Variants in ANAPC10 observed in about 807,000 individuals in gnomAD.
ANAPC10 encodes the protein anaphase promoting complex subunit 10.
A neutral mutation model predicts 22.0 loss-of-function variants in ANAPC10; 12 were observed. That is an observed-to-expected ratio of 0.55 (90% CI 0.35 to 0.88). The LOEUF (loss-of-function observed/expected upper bound fraction) is 0.88, where lower values mean the gene tolerates loss of function less well. Ranked by LOEUF, ANAPC10 falls within the 40% of genes least tolerant of loss-of-function variation. The pLI is 0.01. For synonymous variants in ANAPC10, 65 were observed against 69.5 expected (o/e 0.94, Z 0.32); for missense variants, 188 against 220.9 (o/e 0.85, Z 0.94).
At chr4:144,995,699 T>A in intron 4 of ANAPC10, 96 bp from the exon 5 acceptor site, 1 of 849,896 alleles carries the variant, frequency 1.2e-6, no homozygotes, top group East Asian at 2.7e-5. Context: ...ATAATTAACA[T>A]TTTGCTCAAC....
At chr4:145,022,874 G>T (rs1195028321) in intron 4 of ANAPC10, among the ~76,000 whole-genome samples, 1 of 149,728 alleles carries the variant, frequency 6.7e-6, no homozygotes, top group Non-Finnish European at 1.5e-5. Context: ...ATTCTTTTAT[G>T]TATTTTTGTA....
rs943884520 is a variant in ANAPC10 at position 145,081,526 on chromosome 4, A to G, written c.206+134T>C. 43 of 551,592 alleles carry G rather than the reference A, an allele frequency of 7.8e-5. 1 individual carries two copies. The African/African-American group carries it at 7.9e-4, about 10-fold the overall frequency. The allele number at this position is 551,592 out of a possible 1,614,324, so 34.2% of individuals were successfully genotyped here. ...AATAATCTAACTGAACTGAAAAATA[A>G]TCTATAAGACTTCAGAGTTTAAAAA... On this transcript the variant is annotated intron_variant, in intron 3 of 4. Coordinates refer to ENST00000507656, the MANE Select transcript of ANAPC10 (RefSeq NM_001256706.2).
chr4:145,093,335 A>G (rs1382014239), intron 2 of ANAPC10, among the ~76,000 whole-genome samples: 1 of 152,198 alleles, frequency 6.6e-6, no homozygotes, highest in Non-Finnish European at 1.5e-5. Context: ...TTCCTAACTA[A>G]TGCAAATCCC....
At chr4:145,028,162 G>A (rs1319402097) in intron 4 of ANAPC10, among the ~76,000 whole-genome samples, 2 of 152,214 alleles carry the variant, frequency 1.3e-5, no homozygotes, top group East Asian at 3.8e-4. Context: ...GTGTGCCTGT[G>A]TGTGTGTTGC....
chr4:144,997,282 C>A (rs943938467), intron 4 of ANAPC10, among the ~76,000 whole-genome samples: 30 of 152,190 alleles, frequency 2.0e-4, no homozygotes, highest in African/African-American at 7.0e-4. Flanking sequence ...AAGATACATA[C>A]TTGTCAGATT....
chr4:145,000,571 G>A (rs1157021819), intron 4 of ANAPC10, among the ~76,000 whole-genome samples: 1 of 152,206 alleles, frequency 6.6e-6, no homozygotes, highest in Non-Finnish European at 1.5e-5. Context: ...AGGATGTGGA[G>A]AAATAGGAAC....
chr4:145,012,298 T>C (rs1435984157), intron 4 of ANAPC10, among the ~76,000 whole-genome samples: 7 of 151,528 alleles, frequency 4.6e-5, no homozygotes, highest in East Asian at 3.9e-4. Flanking sequence ...ATTGAAAATA[T>C]TGTCACTTGA....
chr4:145,072,262 G>C (rs563517852), intron 3 of ANAPC10, among the ~76,000 whole-genome samples: 2 of 152,308 alleles, frequency 1.3e-5, no homozygotes, highest in Non-Finnish European at 2.9e-5. Context: ...AGCAGAGAAA[G>C]AGCTTGTTCT....
intron 4 of ANAPC10, among the ~76,000 whole-genome samples, chr4:145,015,091 C>A (rs1194867917): frequency 6.6e-6 from 1 of 151,956 alleles, no homozygotes; most frequent in Non-Finnish European, 1.5e-5. Context: ...AAAAAGAAAT[C>A]CCTGACTTAC....
At chr4:145,027,637 G>A (rs1056113472) in intron 4 of ANAPC10, among the ~76,000 whole-genome samples, 1 of 152,172 alleles carries the variant, frequency 6.6e-6, no homozygotes, top group Non-Finnish European at 1.5e-5. Flanking sequence ...TAGATCACAT[G>A]CAAAGCATCA....
chr4:145,069,468 T>C (rs1744179067), intron 3 of ANAPC10, among the ~76,000 whole-genome samples: 2 of 152,148 alleles, frequency 1.3e-5, no homozygotes, highest in Non-Finnish European at 2.9e-5. Flanking sequence ...GAAAGAACAA[T>C]TACTGGAAAG....
At chr4:145,000,070 T>C (rs1287268232) in intron 4 of ANAPC10, among the ~76,000 whole-genome samples, 2 of 152,172 alleles carry the variant, frequency 1.3e-5, no homozygotes, top group Admixed American at 1.3e-4. Context: ...GATTAAAGAC[T>C]TAAATGTTAG....
intron 2 of ANAPC10, among the ~76,000 whole-genome samples, chr4:145,083,425 T>C (rs1032680933): frequency 1.3e-5 from 2 of 152,192 alleles, no homozygotes; most frequent in African/African-American, 4.8e-5. Context: ...TTTAAATATA[T>C]GTTATTTCTA....
At chr4:145,057,496 T>C (rs1479213506) in intron 4 of ANAPC10, among the ~76,000 whole-genome samples, 2 of 152,144 alleles carry the variant, frequency 1.3e-5, no homozygotes, top group African/African-American at 4.8e-5. Context: ...CTCTCGAATA[T>C]TGGCATCTTC....
At chr4:145,069,710 T>C (rs981811925) in intron 3 of ANAPC10, among the ~76,000 whole-genome samples, 1 of 152,294 alleles carries the variant, frequency 6.6e-6, no homozygotes, top group Non-Finnish European at 1.5e-5. Context: ...GTCAGAACTA[T>C]TTTCTTAATA....
At chr4:145,018,540 A>T (rs1269650726) in intron 4 of ANAPC10, among the ~76,000 whole-genome samples, 2 of 152,092 alleles carry the variant, frequency 1.3e-5, no homozygotes, top group East Asian at 3.9e-4. Context: ...TAGGAGGCTG[A>T]GGCAGGAGAA....
intron 4 of ANAPC10, among the ~76,000 whole-genome samples, chr4:145,026,955 G>GTATATATA (rs1560840398): frequency 5.9e-4 from 10 of 17,044 alleles, no homozygotes; most frequent in African/African-American, 2.3e-3. Context: ...ATGTGTGTGT[G>GTATATATA]TGTATATATA....
intron 4 of ANAPC10, among the ~76,000 whole-genome samples, chr4:145,006,809 C>T (rs1408249295): frequency 6.6e-6 from 1 of 151,950 alleles, no homozygotes; most frequent in Non-Finnish European, 1.5e-5. Context: ...GTTTTGTTGC[C>T]TCTGTGATTC....
intron 4 of ANAPC10, among the ~76,000 whole-genome samples, chr4:144,998,795 CA>C (rs1732039635): frequency 1.3e-5 from 2 of 151,884 alleles, no homozygotes; most frequent in Admixed American, 6.6e-5. Flanking sequence ...GATAGAGACA[CA>C]AAAAACCTTC....
Sources: allele counts gnomAD v4.1 joint callset (sites outside exome capture counted in the v4.1 genomes callset), GRCh38; gene constraint gnomAD v4.1.1; transcripts MANE v1.5; gene names NCBI Gene and HGNC (gene_info 2026-07-23, HGNC 2026-07-21).